Variants in GLYATL3 observed in about 807,000 individuals in gnomAD.
GLYATL3 encodes the protein glycine-N-acyltransferase like 3.
GLYATL3 carries 31 observed loss-of-function variants against 28.5 expected under a neutral mutation model. The ratio of observed to expected loss-of-function variants is 1.09; its 90% CI spans 0.82 to 1.47. The LOEUF (loss-of-function observed/expected upper bound fraction) is 1.47. GLYATL3 is among the 40% of genes most tolerant of loss of function. GLYATL3 has a pLI of 0.00. For synonymous variants in GLYATL3, 141 were observed against 140.2 expected (o/e 1.01, Z -0.04); for missense variants, 369 against 351.5 (o/e 1.05, Z -0.40).
intron 2 of GLYATL3, among the ~76,000 whole-genome samples, chr6:49,512,396 C>T (rs542670390): frequency 6.7e-6 from 1 of 149,464 alleles, no homozygotes; most frequent in South Asian, 2.1e-4. Flanking sequence ...AACCCATCAT[C>T]TAGGTTTTAA....
chr6:49,510,041 T>C (rs539870893), intron 1 of GLYATL3, among the ~76,000 whole-genome samples: 84 of 148,090 alleles, frequency 5.7e-4, no homozygotes, highest in Admixed American at 8.8e-4. Flanking sequence ...TTTATTTATT[T>C]ATTTATTTTT....
At chr6:49,517,157 T>TAAA (rs35821614) in intron 3 of GLYATL3, among the ~76,000 whole-genome samples, 1 of 134,536 alleles carries the variant, frequency 7.4e-6, no homozygotes, top group Non-Finnish European at 1.6e-5. Flanking sequence ...AGACTCTGTC[T>TAAA]AAAAAAAAAA....
chr6:49,527,834 A>G lies in GLYATL3; in HGVS notation c.*920A>G, dbSNP rs1769451313. On this transcript the variant is annotated 3_prime_UTR_variant, in exon 6 of 6. Transcript: ENST00000371197. The stretch of plus-strand genomic sequence containing the variant: ...TATATACATTCTCTTCATTTCTTTT[A>G]TATGTATAGGTATATACTCATAGAA... 6.6e-6 allele frequency among the ~76,000 whole-genome samples: 1 copy of G among 152,170 alleles called. No individual in the cohort carries two copies.
chr6:49,505,620 G>A (rs960917158), intron 1 of GLYATL3, among the ~76,000 whole-genome samples: 9 of 152,144 alleles, frequency 5.9e-5, no homozygotes, highest in South Asian at 2.1e-4. Context: ...TAGTGCCAAC[G>A]AAGTCAGCCA....
intron 3 of GLYATL3, 61 bp from the exon 4 acceptor site, chr6:49,517,369 C>A: frequency 7.1e-7 from 1 of 1,402,728 alleles, no homozygotes; most frequent in South Asian, 1.6e-5. Flanking sequence ...TCTAATCTAC[C>A]TAAGATTTGG....
chr6:49,518,656 C>T (rs1213715167), intron 4 of GLYATL3, among the ~76,000 whole-genome samples: 2 of 151,926 alleles, frequency 1.3e-5, no homozygotes, highest in East Asian at 1.9e-4. Flanking sequence ...AAAATTTATT[C>T]GTAGTCAGGT....
Position 49,517,661 on chromosome 6 carries a change from C to T in GLYATL3, c.313+105C>T, listed in dbSNP as rs547172123. The T allele has an allele frequency of 5.2e-4, 399 of 769,950 alleles. 1 individual carries two copies. Among genetic ancestry groups the T allele is most frequent in the Non-Finnish European group, 7.4e-4 (375 of 506,918 alleles). 47.7% of individuals were successfully genotyped at this position (769,950 alleles called of 1,614,324 possible). A position where few individuals can be genotyped will look rare whatever the true frequency, so the allele number is the denominator to read the frequency against. On this transcript the variant is annotated intron_variant, in intron 4 of 5. Coordinates refer to ENST00000371197, the MANE Select transcript of GLYATL3 (RefSeq NM_001010904.2). ...ATATATATGAAAATATATAGATTAT[C>T]TATACACACCTGTATGTATAAATAC...
At position 49,526,527 on chromosome 6, in the gene GLYATL3, C is replaced by T. The variant is rs752812014; in HGVS notation, c.480C>T (p.Ala160=). ...PSPRLTYLSV[A]NADLLNRTWS... is the part of the protein sequence containing the mutation. ...CACGACTAACCTACCTGAGTGTTGC[C>T]AATGCGGATCTACTCAACCGGACTT... The change falls in exon 6 of 6, where the codon GCC becomes GCT. Residue 160 remains alanine, a synonymous_variant. Coordinates refer to ENST00000371197, the MANE Select transcript of GLYATL3 (RefSeq NM_001010904.2). 1 of 1,551,702 alleles carries T rather than the reference C, an allele frequency of 6.4e-7. No homozygotes were observed. Among genetic ancestry groups the T allele is most frequent in the Non-Finnish European group, 8.7e-7 (1 of 1,146,980 alleles).
chr6:49,512,839 A>G (rs766394529), intron 2 of GLYATL3, among the ~76,000 whole-genome samples: 3 of 152,244 alleles, frequency 2.0e-5, no homozygotes, highest in Admixed American at 6.5e-5. Flanking sequence ...ATTTGAACAA[A>G]AGTGATCTAG....
intron 4 of GLYATL3, among the ~76,000 whole-genome samples, chr6:49,520,862 C>A (rs1769300694): frequency 1.3e-5 from 2 of 152,000 alleles, no homozygotes; most frequent in Non-Finnish European, 2.9e-5. Context: ...AAAAACAAAA[C>A]AAAACAAAAC....
intron 1 of GLYATL3, among the ~76,000 whole-genome samples, chr6:49,507,980 A>C (rs1446221171): frequency 6.6e-6 from 1 of 152,200 alleles, no homozygotes; most frequent in African/African-American, 2.4e-5. Context: ...GCAGAAGTAC[A>C]GTATACAGAG....
At chr6:49,508,238 C>G (rs1398367760) in intron 1 of GLYATL3, among the ~76,000 whole-genome samples, 1 of 151,940 alleles carries the variant, frequency 6.6e-6, no homozygotes, top group African/African-American at 2.4e-5. Flanking sequence ...AGAGCTTGCA[C>G]TGAGCCGAGA....
At chr6:49,510,669 C>A (rs1225347273) in intron 1 of GLYATL3, among the ~76,000 whole-genome samples, 1 of 152,166 alleles carries the variant, frequency 6.6e-6, no homozygotes, top group African/African-American at 2.4e-5. Flanking sequence ...GAGATGATGG[C>A]TGTACTTCTT....
chr6:49,501,443 G>A (rs1267085876), intron 1 of GLYATL3, among the ~76,000 whole-genome samples: 4 of 152,188 alleles, frequency 2.6e-5, no homozygotes, highest in Admixed American at 1.3e-4. Flanking sequence ...AGTTTAGTGA[G>A]GGCAGCGGTA....
intron 5 of GLYATL3, among the ~76,000 whole-genome samples, chr6:49,524,303 T>C (rs891582346): frequency 6.6e-6 from 1 of 152,236 alleles, no homozygotes; most frequent in African/African-American, 2.4e-5. Context: ...GCTGATAATA[T>C]GCCTGAAATG....
chr6:49,503,998 G>A (rs966861167), intron 1 of GLYATL3, among the ~76,000 whole-genome samples: 1 of 152,118 alleles, frequency 6.6e-6, no homozygotes, highest in Non-Finnish European at 1.5e-5. Flanking sequence ...CATAGACCTC[G>A]ATAGGAGCGT....
At chr6:49,523,009 C>T (rs1410213970) in intron 5 of GLYATL3, among the ~76,000 whole-genome samples, 5 of 151,818 alleles carry the variant, frequency 3.3e-5, no homozygotes, top group Non-Finnish European at 5.9e-5. Context: ...ACCCACTATA[C>T]GGATATTACT....
intron 4 of GLYATL3, among the ~76,000 whole-genome samples, chr6:49,518,488 G>C (rs1769255304): frequency 6.6e-6 from 1 of 152,146 alleles, no homozygotes; most frequent in South Asian, 2.1e-4. Context: ...CATTTAACAG[G>C]AAAGTAGGGA....
At chr6:49,511,373 T>C (rs1219175262) in intron 1 of GLYATL3, among the ~76,000 whole-genome samples, 1 of 152,210 alleles carries the variant, frequency 6.6e-6, no homozygotes, top group Non-Finnish European at 1.5e-5. Context: ...TGATTCTTCA[T>C]CTTCAATCTA....
Sources: allele counts gnomAD v4.1 joint callset (sites outside exome capture counted in the v4.1 genomes callset), GRCh38; gene constraint gnomAD v4.1.1; transcripts MANE v1.5; gene names NCBI Gene and HGNC (gene_info 2026-07-23, HGNC 2026-07-21).